The following SYP variants were observed in gnomAD, a reference collection of about 807,000 sequenced individuals.
SYP encodes synaptophysin, also known as major synaptic vesicle protein P38.
SYP carries 2 observed loss-of-function variants against 24.3 expected under a neutral mutation model. The ratio of observed to expected loss-of-function variants is 0.08; its 90% CI spans 0.03 to 0.26. SYP has a LOEUF of 0.26. Among genes scored for constraint, SYP ranks in the 10% least tolerant of loss-of-function variants. SYP has a pLI of 1.00. For synonymous variants in SYP, 143 were observed against 123.2 expected (o/e 1.16, Z -1.07); for missense variants, 216 against 266.3 (o/e 0.81, Z 1.32).
Position 49,193,459 on chromosome X carries a change from A to G in SYP, c.428T>C (p.Phe143Ser). Residue 143 changes from phenylalanine (F) to serine (S), a missense_variant, in exon 5 of 7, where the codon TTT becomes TCT. Around this residue, in one of 2 missense-constraint regions of SYP, gnomAD observed 102 missense variants for 158.4 expected, o/e 0.64. Coordinates refer to ENST00000263233, the MANE Select transcript of SYP (RefSeq NM_003179.3). ...RENNKGPMLD[F>S]LATAVFAFMW... ...GAAGGCGAACACAGCCGTGGCCAGA[A>G]AGTCCTAAGGCAGGCAGGGGTGAGG... 3 of 1,211,687 alleles carry G rather than the reference A, an allele frequency of 2.5e-6. No individual in the cohort carries two copies. Among genetic ancestry groups the G allele is most frequent in the Non-Finnish European group, 3.4e-6 (3 of 895,342 alleles).
Position 49,193,419 on chromosome X carries a change from G to A in SYP, c.468C>T (p.Ser156=). The change falls in exon 5 of 7, where the codon AGC becomes AGT. Residue 156 remains serine, a synonymous_variant. Transcript: ENST00000263233. Reference sequence around the variant, plus strand: ...ACAGCCCCTTGGCCCATGCCGATGAGCTAACTAGCCACATGAAGGCGAACA... The same window carrying A: ...ACAGCCCCTTGGCCCATGCCGATGAACTAACTAGCCACATGAAGGCGAACA... ...TAVFAFMWLV[S]SSAWAKGLSD... is the part of the protein sequence containing the mutation. The A allele has an allele frequency of 8.2e-7, 1 of 1,212,303 alleles. No individual in the cohort carries two copies. The highest frequency in any genetic ancestry group is 1.1e-6 in the Non-Finnish European group (1 of 895,545).
chrX:49,188,933 G>A lies in SYP; in HGVS notation c.*354C>T, dbSNP rs2065496843. On this transcript the variant is annotated 3_prime_UTR_variant, in exon 7 of 7. Coordinates refer to ENST00000263233, the MANE Select transcript of SYP (RefSeq NM_003179.3). Reference sequence around the variant, plus strand: ...GAGAGAGGAGAGAGTCTGAAGTCACGCCCACCCTCCCCACACAGCCGAGGT... The same window carrying A: ...GAGAGAGGAGAGAGTCTGAAGTCACACCCACCCTCCCCACACAGCCGAGGT... 9.1e-6 allele frequency: 1 copy of A among 109,885 alleles called. No homozygotes were observed. Among genetic ancestry groups the A allele is most frequent in the Non-Finnish European group, 1.9e-5 (1 of 52,591 alleles). The allele number at this position is 109,885 out of a possible 1,213,427, so 9.1% of individuals were successfully genotyped here.
intron 3 of SYP, 133 bp from the exon 4 acceptor site, chrX:49,194,494 A>G (rs1293714766): frequency 1.7e-6 from 1 of 585,195 alleles, no homozygotes; most frequent in Non-Finnish European, 2.7e-6. Flanking sequence ...AGCACCTACT[A>G]TGTACCAGTC....
At chrX:49,194,411 A>G (rs1191008573) in intron 3 of SYP, 50 bp from the exon 4 acceptor site, 2 of 1,153,423 alleles carry the variant, frequency 1.7e-6, no homozygotes, top group Non-Finnish European at 1.2e-6. Context: ...AACACCCTCA[A>G]CCCTCCAGCC....
At chrX:49,191,170 C>A in intron 6 of SYP, 2 of 415,873 alleles carry the variant, frequency 4.8e-6, no homozygotes, top group East Asian at 4.0e-5. Context: ...CCCGCCTTTC[C>A]GCCGAGTTGC....
Position 49,193,201 on chromosome X carries a change from A to G in SYP, c.615+71T>C, listed in dbSNP as rs1158463463. Reference sequence around the variant, plus strand: ...CCCCTGACTCTCCTCTTATTCTCCCACTCCACCACTCCCCATGCCGGACTG... The same window carrying G: ...CCCCTGACTCTCCTCTTATTCTCCCGCTCCACCACTCCCCATGCCGGACTG... On this transcript the variant is annotated intron_variant, in intron 5 of 6. Transcript: ENST00000263233. The G allele has an allele frequency of 2.2e-5, 25 of 1,128,513 alleles. No homozygotes were observed. In the Admixed American group the frequency reaches 5.8e-4, roughly 26 times the overall value. The allele number at this position is 1,128,513 out of a possible 1,213,427, so 93.0% of individuals were successfully genotyped here.
At chrX:49,191,909 A>G in intron 5 of SYP, 146 bp from the exon 6 acceptor site, 1 of 671,339 alleles carries the variant, frequency 1.5e-6, no homozygotes. Context: ...CAGTGCGAGA[A>G]CGTCGATGTG....
chrX:49,198,239 CTT>C (rs2065536049), intron 2 of SYP: 2 of 200,271 alleles, frequency 1.0e-5, no homozygotes, highest in South Asian at 1.6e-4. Context: ...GTCGATGTCT[CTT>C]TTTGTCTCTT....
chrX:49,194,405 C>A lies in SYP; in HGVS notation c.228-44G>T, dbSNP rs189986858. The A allele has an allele frequency of 2.2e-5, 26 of 1,157,424 alleles. No homozygotes were observed. In the Admixed American group the frequency reaches 4.0e-4, roughly 18 times the overall value. On this transcript the variant is annotated intron_variant, in intron 3 of 6. Coordinates refer to ENST00000263233, the MANE Select transcript of SYP (RefSeq NM_003179.3). ...AGGTGTGGCCCAGCCCCTCAGAACA[C>A]CCTCAACCCTCCAGCCCAATCATGG...
rs781884144 is a variant in SYP, at chrX:49,193,317, G to A, written c.570C>T (p.Cys190=). ...AGGTCACAGGGTCTCTCAGCTCCTT[G>A]CATGTGTTCCCTGTCTGGCGGCAGA... The part of the protein sequence containing the change: ...MPVCRQTGNT[C]KELRDPVTSG... The change falls in exon 5 of 7, where the codon TGC becomes TGT. Residue 190 remains cysteine (C), a synonymous_variant. Coordinates refer to ENST00000263233, the MANE Select transcript of SYP (RefSeq NM_003179.3). 3 of 1,212,152 alleles carry A rather than the reference G, an allele frequency of 2.5e-6. No individual in the cohort carries two copies. The highest frequency in any genetic ancestry group is 4.3e-5 in the Admixed American group (2 of 46,107).
intron 6 of SYP, 108 bp downstream of exon 6, chrX:49,191,325 C>A: frequency 1.1e-6 from 1 of 938,322 alleles, no homozygotes. Flanking sequence ...CCTTACTTGC[C>A]CCAGTAAACG....
Position 49,191,462 on chromosome X carries a change from G to T in SYP, c.917C>A (p.Pro306His). ...GQQGYGPQGA[P>H]TSFSNQM ...CTACATCTGATTGGAGAAGGAGGTG[G>T]GTGCACCCTGCGGGCCGTAGCCTTG... The change falls in exon 6 of 7, where the codon CCC (proline) becomes CAC (histidine). Residue 306 changes from proline (P) to histidine (H), a missense_variant. By Grantham distance (77) the Pro-to-His change is moderately conservative (BLOSUM62 -2). Coordinates refer to ENST00000263233, the MANE Select transcript of SYP (RefSeq NM_003179.3). 1 of 1,211,528 alleles carries T rather than the reference G, an allele frequency of 8.3e-7. No individual in the cohort carries two copies. Among genetic ancestry groups the T allele is most frequent in the Non-Finnish European group, 1.1e-6 (1 of 895,426 alleles).
intron 6 of SYP, 158 bp downstream of exon 6, chrX:49,191,275 A>C: frequency 1.8e-6 from 1 of 566,164 alleles, no homozygotes; most frequent in Admixed American, 2.7e-5. Context: ...AGCTCTTAGC[A>C]GGTAGTTCTG....
chrX:49,189,564 C>T (rs1236145677), intron 6 of SYP, among the ~76,000 whole-genome samples: 2 of 110,946 alleles, frequency 1.8e-5, no homozygotes, highest in African/African-American at 6.6e-5. Context: ...AAACAAAGAT[C>T]CCTGTCTTTG....
At chrX:49,199,266 G>C (rs1557103681) in intron 1 of SYP, 3 of 434,594 alleles carry the variant, frequency 6.9e-6, no homozygotes, top group Non-Finnish European at 8.2e-6. Flanking sequence ...AGGGAGATGG[G>C]GATGAGGTCA....
At chrX:49,193,051 A>G (rs1557102946) in intron 5 of SYP, among the ~76,000 whole-genome samples, 1 of 112,465 alleles carries the variant, frequency 8.9e-6, no homozygotes, top group Admixed American at 9.4e-5. Flanking sequence ...TCTGGGATCC[A>G]GGTCTCCCAA....
Position 49,194,870 on chromosome X carries a change from A to G in SYP, c.228-509T>C, listed in dbSNP as rs782275869. Among the ~76,000 whole-genome samples the G allele has an allele frequency of 3.6e-5, 4 of 110,590 alleles. No individual in the cohort carries two copies. In the East Asian group the frequency reaches 1.1e-3, roughly 31 times the overall value. Reference sequence around the variant, plus strand: ...ATTACAGGCATGCGCCGCTACGCCCAGCTAATTTTTGTACTTTTAATAGAG... The same window carrying G: ...ATTACAGGCATGCGCCGCTACGCCCGGCTAATTTTTGTACTTTTAATAGAG... On this transcript the variant is annotated intron_variant, in intron 3 of 6. Transcript: ENST00000263233.
chrX:49,197,271 C>T, intron 3 of SYP: 1 of 132,698 alleles, frequency 7.5e-6, no homozygotes, highest in South Asian at 2.3e-4. Flanking sequence ...GCGTGAGCCA[C>T]TGTGCCTGGC....
At chrX:49,198,799 T>G in intron 2 of SYP, 169 bp downstream of exon 2, 1 of 548,836 alleles carries the variant, frequency 1.8e-6, no homozygotes, top group South Asian at 2.8e-5. Context: ...AGCTCATCTG[T>G]TTTCTGGCTT....
Sources: gnomAD v4.1 joint callset for allele counts (sites outside exome capture counted in the v4.1 genomes callset) on GRCh38, gnomAD v4.1.1 for gene constraint, gnomAD v4.1.1 regional missense constraint, MANE v1.5 for transcripts, NCBI Gene and HGNC (gene_info 2026-07-23, HGNC 2026-07-21) for gene names.